Variants in CDH13 observed in about 807,000 individuals in gnomAD.
CDH13 encodes the protein cadherin 13, also known as cadherin-13.
A neutral mutation model predicts 63.8 loss-of-function variants in CDH13; 24 were observed. The observed-to-expected ratio is 0.38, with a 90% CI of 0.27 to 0.53. The LOEUF is 0.53. Among genes scored for constraint, CDH13 ranks in the 20% least tolerant of loss-of-function variants. The pLI, the probability that CDH13 is intolerant of heterozygous loss-of-function variation, is 0.85. For missense variants in CDH13, 1,049 were observed against 903.1 expected, an observed-to-expected ratio of 1.16 and a Z score of -2.07; for synonymous variants, 503 against 355.3, an observed-to-expected ratio of 1.42 and a Z score of -4.67.
intron 5 of CDH13, among the ~76,000 whole-genome samples, chr16:83,323,026 A>C (rs546959886): frequency 6.6e-6 from 1 of 152,052 alleles, no homozygotes; most frequent in Non-Finnish European, 1.5e-5. Context: ...CCTACCCTGT[A>C]GGGGGCCACA....
chr16:82,742,588 G>A (rs1203634877), intron 1 of CDH13, among the ~76,000 whole-genome samples: 1 of 152,026 alleles, frequency 6.6e-6, no homozygotes, highest in Non-Finnish European at 1.5e-5. Flanking sequence ...TTTCTAAATA[G>A]AATTGTTCTT....
intron 3 of CDH13, among the ~76,000 whole-genome samples, chr16:83,085,303 A>G (rs2033516699): frequency 1.3e-5 from 2 of 152,142 alleles, no homozygotes; most frequent in South Asian, 4.2e-4. Context: ...ATAGCACAGG[A>G]AAGACCAGCC....
At chr16:83,302,032 A>G (rs975826253) in intron 5 of CDH13, among the ~76,000 whole-genome samples, 8 of 152,112 alleles carry the variant, frequency 5.3e-5, no homozygotes, top group Non-Finnish European at 1.2e-4. Context: ...CAGCTAGTCC[A>G]TTCCTTACCT....
At chr16:83,719,232 T>C (rs1301716839) in intron 10 of CDH13, among the ~76,000 whole-genome samples, 1 of 152,180 alleles carries the variant, frequency 6.6e-6, no homozygotes, top group Non-Finnish European at 1.5e-5. Context: ...TGTCAAGCTT[T>C]GTTCTCAGAA....
chr16:83,475,478 A>G (rs1215742627), intron 6 of CDH13, among the ~76,000 whole-genome samples: 1 of 152,200 alleles, frequency 6.6e-6, no homozygotes, highest in South Asian at 2.1e-4. Context: ...AAGTGGACTG[A>G]ATTTGAGTGA....
At chr16:82,964,329 A>G (rs1012506501) in intron 2 of CDH13, among the ~76,000 whole-genome samples, 7 of 152,222 alleles carry the variant, frequency 4.6e-5, no homozygotes, top group Admixed American at 3.3e-4. Context: ...ACTAGACTGA[A>G]AAGGAAAATA....
At chr16:82,751,742 A>G (rs2034425773) in intron 1 of CDH13, among the ~76,000 whole-genome samples, 1 of 152,066 alleles carries the variant, frequency 6.6e-6, no homozygotes, top group Non-Finnish European at 1.5e-5. Flanking sequence ...TTTTTAGACA[A>G]GAGATCGCAC....
chr16:82,686,475 T>C (rs1220414907), intron 1 of CDH13, among the ~76,000 whole-genome samples: 2 of 152,152 alleles, frequency 1.3e-5, no homozygotes, highest in Non-Finnish European at 2.9e-5. Flanking sequence ...AACTAAAGAA[T>C]GCAGGCTCGG....
intron 1 of CDH13, among the ~76,000 whole-genome samples, chr16:82,744,449 A>G (rs1356394812): frequency 6.6e-6 from 1 of 152,042 alleles, no homozygotes; most frequent in South Asian, 2.1e-4. Flanking sequence ...GATTTTTTTG[A>G]AAACCAGGAG....
intron 6 of CDH13, among the ~76,000 whole-genome samples, chr16:83,456,329 G>A (rs1456694508): frequency 1.3e-5 from 2 of 152,224 alleles, no homozygotes; most frequent in Non-Finnish European, 2.9e-5. Context: ...GGGACTGGTT[G>A]AGCACAGTGA....
chr16:83,473,747 A>C (rs552912367), intron 6 of CDH13, among the ~76,000 whole-genome samples: 3 of 152,134 alleles, frequency 2.0e-5, no homozygotes, highest in Non-Finnish European at 2.9e-5. Context: ...TGTGGAGCTG[A>C]GTAGGGAAGT....
At chr16:83,603,785 A>ATACTTTGT (rs1430195979) in intron 8 of CDH13, among the ~76,000 whole-genome samples, 1 of 152,206 alleles carries the variant, frequency 6.6e-6, no homozygotes, top group Non-Finnish European at 1.5e-5. Context: ...AAGACTGGGT[A>ATACTTTGT]ATTTACAAAG....
chr16:83,456,341 GC>G (rs551678074), intron 6 of CDH13, among the ~76,000 whole-genome samples: 37 of 152,324 alleles, frequency 2.4e-4, no homozygotes, highest in African/African-American at 7.7e-4. Flanking sequence ...GCACAGTGAG[GC>G]CCCGTCTTAG....
intron 5 of CDH13, among the ~76,000 whole-genome samples, chr16:83,308,904 G>A (rs934759338): frequency 6.6e-6 from 1 of 152,194 alleles, no homozygotes; most frequent in Non-Finnish European, 1.5e-5. Context: ...GAGAGTAGGG[G>A]ATTCGGGAAG....
chr16:82,665,941 T>C (rs1328144678), intron 1 of CDH13, among the ~76,000 whole-genome samples: 1 of 152,098 alleles, frequency 6.6e-6, no homozygotes, highest in Non-Finnish European at 1.5e-5. Context: ...AAATTCAAAA[T>C]CTGAAAAATG....
chr16:83,360,416 G>T (rs962028012), intron 6 of CDH13, among the ~76,000 whole-genome samples: 1 of 151,978 alleles, frequency 6.6e-6, no homozygotes, highest in South Asian at 2.1e-4. Context: ...ATTTTAGTTG[G>T]TTTGATTGTT....
chr16:83,208,875 G>A (rs1210641800), intron 4 of CDH13, among the ~76,000 whole-genome samples: 3 of 152,148 alleles, frequency 2.0e-5, no homozygotes, highest in African/African-American at 7.2e-5. Flanking sequence ...TTATCTAGAA[G>A]CTGCCTTGCC....
At chr16:82,978,002 G>A (rs989277274) in intron 2 of CDH13, among the ~76,000 whole-genome samples, 3 of 152,120 alleles carry the variant, frequency 2.0e-5, no homozygotes, top group Non-Finnish European at 4.4e-5. Context: ...GGAACTTGTT[G>A]GAAACTGGAG....
rs1315645140 is a variant in CDH13 at position 82,840,784 on chromosome 16, G to A, written c.46-17578G>A. 2.0e-5 allele frequency among the ~76,000 whole-genome samples: 3 copies of A among 151,992 alleles called. 1 individual carries two copies. The highest frequency in any genetic ancestry group is 2.9e-5 in the Non-Finnish European group (2 of 68,010). On this transcript the variant is annotated intron_variant, in intron 1 of 13. Transcript: ENST00000567109. Reference sequence around the variant, plus strand: ...GTAAATATGGAAGCTGCTTTAAGGAGATACTGGAGACATTTTAATGGTGTT... The same window carrying A: ...GTAAATATGGAAGCTGCTTTAAGGAAATACTGGAGACATTTTAATGGTGTT...
Sources: allele counts gnomAD v4.1 joint callset (sites outside exome capture counted in the v4.1 genomes callset), GRCh38; gene constraint gnomAD v4.1.1; transcripts MANE v1.5; gene names NCBI Gene and HGNC (gene_info 2026-07-23, HGNC 2026-07-21).